TOMM40: variants seen among roughly 807,000 people sequenced by gnomAD.
The protein encoded by TOMM40 is mitochondrial import receptor subunit TOM40 homolog.
In TOMM40, 9 loss-of-function variants were observed where a neutral mutation model predicts 38.4. That is an observed-to-expected ratio of 0.23 (90% confidence interval 0.14 to 0.41). TOMM40 has a LOEUF of 0.41. Ranked by LOEUF, TOMM40 falls within the 10% of genes least tolerant of loss-of-function variation. TOMM40 has a pLI of 1.00. For missense variants in TOMM40, 299 were observed against 486.5 expected, an observed-to-expected ratio of 0.61 and a Z score of 3.63; for synonymous variants, 184 against 210.0, an observed-to-expected ratio of 0.88 and a Z score of 1.07.
At chr19:44,898,871 G>C (rs1451088194) in intron 5 of TOMM40, among the ~76,000 whole-genome samples, 1 of 151,502 alleles carries the variant, frequency 6.6e-6, no homozygotes, top group Admixed American at 6.6e-5. Context: ...TAGGCCGGGC[G>C]CGGTGGCTCA....
At chr19:44,898,633 G>C (rs1969617150) in intron 5 of TOMM40, among the ~76,000 whole-genome samples, 1 of 150,120 alleles carries the variant, frequency 6.7e-6, no homozygotes, top group African/African-American at 2.5e-5. Context: ...CGCCTCCCGG[G>C]TTCAAGCGAT....
intron 5 of TOMM40, among the ~76,000 whole-genome samples, chr19:44,895,640 C>G (rs1432069537): frequency 6.6e-6 from 1 of 152,020 alleles, no homozygotes; most frequent in Non-Finnish European, 1.5e-5. Flanking sequence ...CTGGTTCAAG[C>G]GATTCTCCTG....
chr19:44,892,306 C>T, intron 1 of TOMM40, 87 bp from the exon 2 acceptor site: 2 of 1,305,908 alleles, frequency 1.5e-6, no homozygotes, highest in Non-Finnish European at 2.2e-6. Flanking sequence ...CTGTGGGTCT[C>T]TGGAGAGAGC....
intron 5 of TOMM40, among the ~76,000 whole-genome samples, chr19:44,898,511 C>CTT (rs34896370): frequency 0.01 from 990 of 98,338 alleles, 8 homozygotes; most frequent in African/African-American, 0.031. Flanking sequence ...TGTGTTGTTT[C>CTT]TTTTTTTTTT....
At chr19:44,894,945 G>C (rs1454348246) in intron 5 of TOMM40, among the ~76,000 whole-genome samples, 1 of 152,208 alleles carries the variant, frequency 6.6e-6, no homozygotes, top group East Asian at 1.9e-4. Flanking sequence ...GGGAGTGGAC[G>C]GGGAGAGGAG....
intron 8 of TOMM40, chr19:44,902,443 G>A (rs940514583): frequency 6.6e-6 from 1 of 152,294 alleles, no homozygotes; most frequent in Admixed American, 6.5e-5. Flanking sequence ...CTGGACTCAA[G>A]CCTTGGCCTC....
At chr19:44,899,314 G>A (rs1488254416) in intron 5 of TOMM40, among the ~76,000 whole-genome samples, 7 of 151,306 alleles carry the variant, frequency 4.6e-5, no homozygotes, top group African/African-American at 1.2e-4. Context: ...GCCTGGCTAC[G>A]TTTTTAAATT....
Position 44,901,324 on chromosome 19 carries a change from T to G in TOMM40, c.946+14T>G. ...TCCTCTTCAAAGGTAAAGGTCTCGG[T>G]TCCCCTACGCGGGAAACAGGCAGGA... On this transcript the variant is annotated intron_variant, in intron 8 of 8. Transcript: ENST00000426677. 1 of 1,611,444 alleles carries G rather than the reference T, an allele frequency of 6.2e-7. No homozygotes were observed. Among genetic ancestry groups the G allele is most frequent in the Non-Finnish European group, 8.5e-7 (1 of 1,178,830 alleles).
intron 5 of TOMM40, 81 bp from the exon 6 acceptor site, chr19:44,900,649 G>A (rs1323716258): frequency 6.7e-5 from 108 of 1,607,198 alleles, no homozygotes; most frequent in Non-Finnish European, 5.1e-6. Flanking sequence ...TCCAGCCGGG[G>A]TGAGCCTAGA....
At chr19:44,892,251 G>A in intron 1 of TOMM40, 142 bp from the exon 2 acceptor site, 1 of 831,900 alleles carries the variant, frequency 1.2e-6, no homozygotes, top group Non-Finnish European at 2.0e-6. Flanking sequence ...GTCTAACTAG[G>A]CTGTACTGCC....
intron 5 of TOMM40, among the ~76,000 whole-genome samples, chr19:44,896,357 C>T (rs549438763): frequency 1.3e-5 from 2 of 152,304 alleles, no homozygotes; most frequent in South Asian, 4.1e-4. Flanking sequence ...GGTTCCAGCC[C>T]TTCTGGGCTT....
At chr19:44,899,192 G>A (rs761960578) in intron 5 of TOMM40, among the ~76,000 whole-genome samples, 18 of 151,254 alleles carry the variant, frequency 1.2e-4, no homozygotes, top group Admixed American at 2.0e-4. Flanking sequence ...TGTTGCCCAC[G>A]TTGGAGTGCA....
chr19:44,894,764 G>A (rs767909777), intron 5 of TOMM40, among the ~76,000 whole-genome samples: 3 of 152,222 alleles, frequency 2.0e-5, no homozygotes, highest in South Asian at 2.1e-4. Flanking sequence ...TAGTGCAGTC[G>A]GGACTCGTGA....
In TOMM40 at chr19:44,891,553, C is replaced by T. The variant is rs1298046742; in HGVS notation, c.138C>T (p.Ala46=). The T allele has an allele frequency of 9.1e-6, 13 of 1,424,776 alleles. No individual in the cohort carries two copies. Among genetic ancestry groups the T allele is most frequent in the Non-Finnish European group, 1.0e-5 (11 of 1,087,008 alleles). The allele number at this position is 1,424,776 out of a possible 1,614,324, so 88.3% of individuals were successfully genotyped here. Residue 46 remains alanine (A), a synonymous_variant, in exon 1 of 9, where the codon GCC becomes GCT. Coordinates refer to ENST00000426677, the MANE Select transcript of TOMM40 (RefSeq NM_001128917.2). ...CGCCGCTGGGAGGCAGCCTGGGCGC[C>T]GGCACCAGTACGAGTCGAAGTTCGG... ...TLPPLGGSLG[A]GTSTSRSSER...
At chr19:44,892,357 G>T in intron 1 of TOMM40, 36 bp from the exon 2 acceptor site, 2 of 1,603,882 alleles carry the variant, frequency 1.2e-6, no homozygotes, top group Non-Finnish European at 1.7e-6. Context: ...TTGGTGTGGG[G>T]TTGGAGTGGA....
chr19:44,896,868 A>G (rs1158309011), intron 5 of TOMM40, among the ~76,000 whole-genome samples: 1 of 152,208 alleles, frequency 6.6e-6, no homozygotes, highest in Non-Finnish European at 1.5e-5. Flanking sequence ...CAGCCTGGGC[A>G]ACATAGCAAT....
chr19:44,897,854 C>T (rs1190059523), intron 5 of TOMM40, among the ~76,000 whole-genome samples: 2 of 151,452 alleles, frequency 1.3e-5, no homozygotes, highest in Non-Finnish European at 2.9e-5. Flanking sequence ...GACTCCTGGG[C>T]TCAAACAACC....
In TOMM40 at chr19:44,903,259, C is replaced by T; in HGVS notation, c.*90C>T. On this transcript the variant is annotated 3_prime_UTR_variant, in exon 9 of 9. Coordinates refer to ENST00000426677, the MANE Select transcript of TOMM40 (RefSeq NM_001128917.2). ...CAGAGGGGAGACCTGAGCCCCCCTCCCTTCCCTCCCCCCTTGGGGGTCGGG... is the reference window on the plus strand; with the variant it reads ...CAGAGGGGAGACCTGAGCCCCCCTCTCTTCCCTCCCCCCTTGGGGGTCGGG... The T allele has an allele frequency of 7.5e-7, 1 of 1,333,360 alleles. No homozygotes were observed. The highest frequency in any genetic ancestry group is 1.0e-6 in the Non-Finnish European group (1 of 990,514). The allele number at this position is 1,333,360 out of a possible 1,614,324, so 82.6% of individuals were successfully genotyped here. A position where few individuals can be genotyped will look rare whatever the true frequency, so the allele number is the denominator to read the frequency against.
Position 44,891,344 on chromosome 19 carries a change from A to AT in TOMM40, c.-69dup. Reference sequence around the variant, plus strand: ...GAACCGGGGCCGGAGCCGGGTGCGGATTTGCTGGGGCTGAGTCGGGGGCGC... The same window carrying AT: ...GAACCGGGGCCGGAGCCGGGTGCGGATTTTGCTGGGGCTGAGTCGGGGGCGC... On this transcript the variant is annotated 5_prime_UTR_variant, in exon 1 of 9. Transcript: ENST00000426677. 1 of 1,220,560 alleles carries AT rather than the reference A, an allele frequency of 8.2e-7. No homozygotes were observed. Among genetic ancestry groups the AT allele is most frequent in the East Asian group, 3.3e-5 (1 of 30,538 alleles). 75.6% of individuals were successfully genotyped at this position (1,220,560 alleles called of 1,614,324 possible). A position where few individuals can be genotyped will look rare whatever the true frequency, so the allele number is the denominator to read the frequency against.
Sources: gnomAD v4.1 joint callset for allele counts (sites outside exome capture counted in the v4.1 genomes callset) on GRCh38, gnomAD v4.1.1 for gene constraint, MANE v1.5 for transcripts, NCBI Gene and HGNC (gene_info 2026-07-23, HGNC 2026-07-21) for gene names.